The following RAD51B variants were observed in gnomAD, a reference collection of about 807,000 sequenced individuals.
The protein encoded by RAD51B is RAD51 paralog B.
In RAD51B, 38 loss-of-function variants were observed where a neutral mutation model predicts 42.2. The observed-to-expected ratio is 0.90, with a 90% CI of 0.70 to 1.18. The LOEUF is 1.18. Among genes scored for constraint, RAD51B ranks in the 50% most tolerant of loss-of-function variants. RAD51B has a pLI of 0.00. For synonymous variants in RAD51B, 154 were observed against 145.2 expected (o/e 1.06, Z -0.43); for missense variants, 373 against 400.7 (o/e 0.93, Z 0.59).
At chr14:68,051,640 G>A (rs1046915088) in intron 7 of RAD51B, among the ~76,000 whole-genome samples, 1 of 151,624 alleles carries the variant, frequency 6.6e-6, no homozygotes, top group Non-Finnish European at 1.5e-5. Flanking sequence ...TTGTTGCCCA[G>A]GCTGGAATAT....
At chr14:68,015,271 C>T (rs2075758265) in intron 7 of RAD51B, among the ~76,000 whole-genome samples, 1 of 152,144 alleles carries the variant, frequency 6.6e-6, no homozygotes, top group African/African-American at 2.4e-5. Flanking sequence ...TTATTAAAAG[C>T]ATGACATTTA....
intron 9 of RAD51B, chr14:68,421,956 G>A (rs544737223): frequency 1.6e-5 from 25 of 1,553,398 alleles, no homozygotes; most frequent in South Asian, 4.4e-5. Context: ...AAATTTCTCC[G>A]TGTAGATGGA....
rs181083799 is a variant in RAD51B, at chr14:67,932,932, C to T, written c.756+45728C>T. The stretch of plus-strand genomic sequence containing the variant: ...CCCCTGGCAATAGCAGCAGTGGCAG[C>T]GGCTGTAGTGGTGTGCAGAGGAGGA... On this transcript the variant is annotated intron_variant, in intron 7 of 10. Coordinates refer to ENST00000471583, the MANE Select transcript of RAD51B (RefSeq NM_133510.4). 1.1e-4 allele frequency among the ~76,000 whole-genome samples: 16 copies of T among 152,240 alleles called. 1 individual carries two copies. Among genetic ancestry groups the T allele is most frequent in the South Asian group, 4.1e-4 (2 of 4,820 alleles).
At chr14:68,272,324 C>T (rs1409312277) in intron 7 of RAD51B, among the ~76,000 whole-genome samples, 1 of 152,036 alleles carries the variant, frequency 6.6e-6, no homozygotes, top group Non-Finnish European at 1.5e-5. Context: ...CTGTGTGACT[C>T]TCAGCAAGAC....
At chr14:68,171,589 C>T (rs1267046177) in intron 7 of RAD51B, among the ~76,000 whole-genome samples, 4 of 151,968 alleles carry the variant, frequency 2.6e-5, no homozygotes, top group Non-Finnish European at 5.9e-5. Flanking sequence ...GCATAAGAAC[C>T]GCACCCAGCC....
intron 10 of RAD51B, chr14:68,497,004 G>A (rs1286418073): frequency 1.1e-6 from 1 of 948,236 alleles, no homozygotes; most frequent in Non-Finnish European, 1.5e-6. Flanking sequence ...CAGAATGGGG[G>A]CATGAACTTT....
At chr14:68,549,705 C>T (rs972840433) in intron 10 of RAD51B, among the ~76,000 whole-genome samples, 10 of 150,502 alleles carry the variant, frequency 6.6e-5, no homozygotes, top group South Asian at 4.2e-4. Context: ...TGAGCCACCG[C>T]GCCCGGCCGC....
intron 7 of RAD51B, among the ~76,000 whole-genome samples, chr14:67,931,504 T>A (rs530436956): frequency 3.1e-4 from 45 of 147,034 alleles, no homozygotes; most frequent in African/African-American, 1.1e-3. Context: ...GGATTTCTTT[T>A]TTTTTTTTTT....
chr14:68,025,236 T>C (rs1451301947), intron 7 of RAD51B, among the ~76,000 whole-genome samples: 1 of 152,126 alleles, frequency 6.6e-6, no homozygotes, highest in Non-Finnish European at 1.5e-5. Context: ...TGCTGCTGGA[T>C]TCAGTTTGCT....
chr14:68,611,158 A>T, exon 11 of RAD51B: 1 of 703,126 alleles, frequency 1.4e-6, no homozygotes, highest in Non-Finnish European at 2.6e-6. Context: ...CCCTCCACAG[A>T]TGCACTCAAC....
intron 7 of RAD51B, among the ~76,000 whole-genome samples, chr14:68,189,929 G>A (rs4902551): frequency 0.017 from 2,631 of 152,180 alleles, 67 homozygotes; most frequent in African/African-American, 0.055. Context: ...GCCTCCCAAA[G>A]TGCTGGGATT....
chr14:68,594,432 AG>A, intron 10 of RAD51B: 1 of 1,348,768 alleles, frequency 7.4e-7, no homozygotes, highest in Non-Finnish European at 9.8e-7. Context: ...AGGGCCTCAG[AG>A]AAAGGCAAAA....
intron 10 of RAD51B, chr14:68,541,650 G>A: frequency 1.0e-6 from 1 of 985,462 alleles, no homozygotes; most frequent in Middle Eastern, 5.2e-4. Context: ...TGTATTGTCA[G>A]TGCAATCCTT....
At chr14:68,570,915 GCA>G (rs750119992) in intron 10 of RAD51B, among the ~76,000 whole-genome samples, 12 of 148,060 alleles carry the variant, frequency 8.1e-5, no homozygotes, top group Admixed American at 2.0e-4. Context: ...ACACACACAT[GCA>G]CACACACACA....
At chr14:68,669,076 A>C (rs1285434378) in intron 11 of RAD51B, among the ~76,000 whole-genome samples, 1 of 152,238 alleles carries the variant, frequency 6.6e-6, no homozygotes, top group Non-Finnish European at 1.5e-5. Flanking sequence ...CATGCAACTT[A>C]AAGTTCCTTC....
exon 11 of RAD51B, chr14:68,611,228 T>G: frequency 1.4e-6 from 1 of 703,082 alleles, no homozygotes; most frequent in Non-Finnish European, 2.6e-6. Flanking sequence ...ACAGAGACTT[T>G]GGATGAGCAT....
At chr14:67,958,369 T>A in intron 7 of RAD51B, among the ~76,000 whole-genome samples, 1 of 152,208 alleles carries the variant, frequency 6.6e-6, no homozygotes, top group African/African-American at 2.4e-5. Context: ...TTAGCCTGGC[T>A]AGGCAGCAGG....
chr14:68,161,501 G>A (rs754773306), intron 7 of RAD51B, among the ~76,000 whole-genome samples: 1 of 152,162 alleles, frequency 6.6e-6, no homozygotes, highest in Non-Finnish European at 1.5e-5. Flanking sequence ...GCTGAACCTG[G>A]TTCATGTGTT....
chr14:67,846,480 G>A (rs954993084), intron 4 of RAD51B, among the ~76,000 whole-genome samples: 2 of 152,174 alleles, frequency 1.3e-5, no homozygotes, highest in Non-Finnish European at 2.9e-5. Flanking sequence ...AAACGGTAGG[G>A]CAGGTGGGGG....
Sources: gnomAD v4.1 joint callset for allele counts (sites outside exome capture counted in the v4.1 genomes callset) on GRCh38, gnomAD v4.1.1 for gene constraint, MANE v1.5 for transcripts, NCBI Gene and HGNC (gene_info 2026-07-23, HGNC 2026-07-21) for gene names.